The following ARHGEF11 variants were observed in gnomAD, a reference collection of about 807,000 sequenced individuals.
ARHGEF11 encodes Rho guanine nucleotide exchange factor 11.
ARHGEF11 carries 55 observed loss-of-function variants against 193.7 expected under a neutral mutation model. The ratio of observed to expected loss-of-function variants is 0.28; its 90% CI spans 0.23 to 0.36. ARHGEF11 has a LOEUF of 0.36. Among genes scored for constraint, ARHGEF11 ranks in the 10% least tolerant of loss-of-function variants. The pLI, the probability that ARHGEF11 is intolerant of heterozygous loss-of-function variation, is 1.00. For synonymous variants in ARHGEF11, 693 were observed against 768.0 expected (o/e 0.90, Z 1.62); for missense variants, 1,723 against 2,005.6 (o/e 0.86, Z 2.69).
At chr1:156,979,361 C>CTTTTTTTTTT in intron 4 of ARHGEF11, 75 bp from the exon 5 acceptor site, 8 of 507,260 alleles carry the variant, frequency 1.6e-5, no homozygotes, top group African/African-American at 3.0e-5. Flanking sequence ...CAAAATGCCA[C>CTTTTTTTTTT]TTTTTTTTTT....
chr1:156,978,192 G>T lies in ARHGEF11; in HGVS notation c.510+12C>A. 5.0e-6 allele frequency: 8 copies of T among 1,614,154 alleles called. No homozygotes were observed. The highest frequency in any genetic ancestry group is 5.9e-6 in the Non-Finnish European group (7 of 1,180,018). On this transcript the variant is annotated intron_variant, in intron 6 of 40. Coordinates refer to ENST00000368194, the MANE Select transcript of ARHGEF11 (RefSeq NM_198236.3). ...CATTAGGGTGAGGAAAGAAAGCCAG[G>T]AGGATTATTACCTGCAGAGGTTTGG...
intron 25 of ARHGEF11, 96 bp downstream of exon 25, chr1:156,947,673 A>C: frequency 6.7e-7 from 1 of 1,484,956 alleles, no homozygotes. Context: ...GGGGCCCCCC[A>C]CCCTATTTAC....
intron 1 of ARHGEF11, among the ~76,000 whole-genome samples, chr1:157,001,997 T>A (rs1334174408): frequency 1.3e-5 from 2 of 152,228 alleles, no homozygotes; most frequent in Admixed American, 6.5e-5. Flanking sequence ...GTTCTAGGCC[T>A]TATATTTCTC....
intron 34 of ARHGEF11, 72 bp downstream of exon 34, chr1:156,941,792 G>A (rs200126872): frequency 2.8e-5 from 43 of 1,530,032 alleles, no homozygotes; most frequent in Non-Finnish European, 3.7e-5. Context: ...GGGGGCGAAG[G>A]GCTTAAAAGC....
chr1:156,955,991 G>A (rs1659886177), intron 19 of ARHGEF11, among the ~76,000 whole-genome samples, 192 bp from the exon 20 acceptor site: 1 of 152,184 alleles, frequency 6.6e-6, no homozygotes, highest in Non-Finnish European at 1.5e-5. Flanking sequence ...TCTAGTCTGG[G>A]GGTCCTCACT....
chr1:157,044,447 A>T lies in ARHGEF11; in HGVS notation c.-117T>A. ...GAGGGCCTCCCAACTTGAAGATAGA[A>T]TCCTTTCTCCTCCAGCTCTCAGGAC... On this transcript the variant is annotated 5_prime_UTR_variant, in exon 1 of 41. Coordinates refer to ENST00000368194, the MANE Select transcript of ARHGEF11 (RefSeq NM_198236.3). 1 of 913,998 alleles carries T rather than the reference A, an allele frequency of 1.1e-6. No homozygotes were observed. Among genetic ancestry groups the T allele is most frequent in the Non-Finnish European group, 1.8e-6 (1 of 551,554 alleles). 56.6% of individuals were successfully genotyped at this position (913,998 alleles called of 1,614,324 possible).
chr1:156,957,358 T>G (rs749175797), intron 18 of ARHGEF11, among the ~76,000 whole-genome samples: 1 of 152,124 alleles, frequency 6.6e-6, no homozygotes, highest in Non-Finnish European at 1.5e-5. Flanking sequence ...AATTCTAACA[T>G]GTGCCAAGAA....
chr1:157,024,229 C>A (rs1172984559), intron 1 of ARHGEF11, among the ~76,000 whole-genome samples: 1 of 152,114 alleles, frequency 6.6e-6, no homozygotes, highest in Non-Finnish European at 1.5e-5. Context: ...CCCAAATAGG[C>A]AAATCCATAG....
intron 1 of ARHGEF11, among the ~76,000 whole-genome samples, chr1:157,005,734 T>G (rs1667742637): frequency 1.3e-5 from 2 of 152,206 alleles, no homozygotes. Context: ...ACAAACCCAT[T>G]CAAACCATTT....
chr1:156,956,525 A>G lies in ARHGEF11; in HGVS notation c.1566T>C (p.His522=), dbSNP rs1221130095. Residue 522 remains histidine, a synonymous_variant, in exon 19 of 41, where the codon CAT becomes CAC. Coordinates refer to ENST00000368194, the MANE Select transcript of ARHGEF11 (RefSeq NM_198236.3). ...MDFALNTYMS[H]AGIRLREARP... ...GTGCCTCTCGAAGACGGATCCCAGC[A>G]TGGCTCATGTAGGTATTGAGGGCGA... 6.2e-7 allele frequency: 1 copy of G among 1,614,154 alleles called. No individual in the cohort carries two copies.
Position 156,951,558 on chromosome 1 carries a change from T to A in ARHGEF11, c.1925+15A>T. ...CTCTTCGAGCAGCTGGCGAGTCCCA[T>A]CCAGCCAGTGCTACCTGTCACTCTC... On this transcript the variant is annotated intron_variant, in intron 22 of 40. Transcript: ENST00000368194. 1 of 1,613,530 alleles carries A rather than the reference T, an allele frequency of 6.2e-7. No homozygotes were observed. The highest frequency in any genetic ancestry group is 8.5e-7 in the Non-Finnish European group (1 of 1,179,860).
Position 156,955,687 on chromosome 1 carries a change from C to A in ARHGEF11, c.1768+16G>T. 2 of 1,603,818 alleles carry A rather than the reference C, an allele frequency of 1.2e-6. No homozygotes were observed. The highest frequency in any genetic ancestry group is 1.1e-5 in the South Asian group (1 of 90,872). On this transcript the variant is annotated intron_variant, in intron 20 of 40. Coordinates refer to ENST00000368194, the MANE Select transcript of ARHGEF11 (RefSeq NM_198236.3). The stretch of plus-strand genomic sequence containing the variant: ...GCCCAAGGAATGCCCAAGGCTGTTG[C>A]TCCCCAAATACTCACTGCTTTGAGA...
At chr1:156,992,313 A>T (rs1356038810) in intron 1 of ARHGEF11, among the ~76,000 whole-genome samples, 1 of 152,176 alleles carries the variant, frequency 6.6e-6, no homozygotes, top group African/African-American at 2.4e-5. Context: ...TCTTCTTTAC[A>T]ATGCAGCCCG....
intron 1 of ARHGEF11, among the ~76,000 whole-genome samples, chr1:157,019,334 A>C (rs1329888194): frequency 6.6e-6 from 1 of 152,230 alleles, no homozygotes; most frequent in African/African-American, 2.4e-5. Flanking sequence ...AACCACAATA[A>C]GATGTTACTA....
At position 156,946,512 on chromosome 1, in the gene ARHGEF11, G is replaced by C. The variant is rs911654196; in HGVS notation, c.2694+150C>G. 31 of 1,177,614 alleles carry C rather than the reference G, an allele frequency of 2.6e-5. 1 individual carries two copies. Among genetic ancestry groups the C allele is most frequent in the South Asian group, 1.4e-5 (1 of 71,084 alleles). 72.9% of individuals were successfully genotyped at this position (1,177,614 alleles called of 1,614,324 possible). A position where few individuals can be genotyped will look rare whatever the true frequency, so the allele number is the denominator to read the frequency against. On this transcript the variant is annotated intron_variant, in intron 28 of 40. Transcript: ENST00000368194. Reference sequence around the variant, plus strand: ...CAACAAACAGAAGTCTCTTTGTCTAGAGTGAGTCAGTGCTTTTGAGGAGCG... The same window carrying C: ...CAACAAACAGAAGTCTCTTTGTCTACAGTGAGTCAGTGCTTTTGAGGAGCG...
At chr1:156,943,883 G>A in intron 32 of ARHGEF11, 52 bp downstream of exon 32, 1 of 1,566,472 alleles carries the variant, frequency 6.4e-7, no homozygotes, top group South Asian at 1.2e-5. Context: ...CCCAGCACTT[G>A]CTGGACATGG....
intron 19 of ARHGEF11, 108 bp downstream of exon 19, chr1:156,956,312 C>A: frequency 9.1e-7 from 1 of 1,103,234 alleles, no homozygotes; most frequent in Non-Finnish European, 1.3e-6. Context: ...GATGGGGTTT[C>A]ACCATGTTGC....
intron 1 of ARHGEF11, among the ~76,000 whole-genome samples, chr1:156,989,663 C>A (rs1665436469): frequency 6.6e-6 from 1 of 152,174 alleles, no homozygotes; most frequent in Admixed American, 6.5e-5. Context: ...CTGTCCATCT[C>A]CTACTACTTT....
intron 1 of ARHGEF11, among the ~76,000 whole-genome samples, chr1:157,039,016 T>A (rs1021273868): frequency 3.9e-5 from 6 of 152,046 alleles, no homozygotes; most frequent in Non-Finnish European, 5.9e-5. Flanking sequence ...TGAGACCCTG[T>A]CCCAAAAAAC....
Sources: allele counts gnomAD v4.1 joint callset (sites outside exome capture counted in the v4.1 genomes callset), GRCh38; gene constraint gnomAD v4.1.1; transcripts MANE v1.5; gene names NCBI Gene and HGNC (gene_info 2026-07-23, HGNC 2026-07-21).